The following TANGO6 variants were observed in gnomAD, a reference collection of about 807,000 sequenced individuals.
TANGO6 encodes transport and Golgi organization protein 6 homolog.
A neutral mutation model predicts 114.2 loss-of-function variants in TANGO6; 90 were observed. That is an observed-to-expected ratio of 0.79 (90% CI 0.66 to 0.94). The LOEUF (loss-of-function observed/expected upper bound fraction) is 0.94. Ranked by LOEUF, TANGO6 falls within the 40% of genes least tolerant of loss-of-function variation. TANGO6 has a pLI of 0.00. For missense variants in TANGO6, 1,274 were observed against 1,315.3 expected (o/e 0.97, Z 0.49); for synonymous variants, 477 against 509.8 (o/e 0.94, Z 0.87).
chr16:68,907,440 C>T lies in TANGO6; in HGVS notation c.1668-3C>T, dbSNP rs770673350. On this transcript the variant is annotated splice_region_variant and splice_polypyrimidine_tract_variant and intron_variant, in intron 9 of 17. Transcript: ENST00000261778. ...CCAAGATAAATTTTACCCTGCATTG[C>T]AGTGATGAAGATGAAGATGAAGCCC... 2.5e-6 allele frequency: 4 copies of T among 1,591,174 alleles called. No homozygotes were observed. Among genetic ancestry groups the T allele is most frequent in the Non-Finnish European group, 1.7e-6 (2 of 1,172,764 alleles).
chr16:69,076,088 CTTTT>C (rs34844519), intron 17 of TANGO6, among the ~76,000 whole-genome samples: 5 of 85,684 alleles, frequency 5.8e-5, no homozygotes, highest in East Asian at 3.6e-4. Flanking sequence ...TATTTCATTT[CTTTT>C]TTTTTTTTTT....
chr16:69,007,402 TG>T (rs1567557501), intron 15 of TANGO6, among the ~76,000 whole-genome samples: 1 of 151,778 alleles, frequency 6.6e-6, no homozygotes, highest in Admixed American at 6.6e-5. Flanking sequence ...CCCCAATAGC[TG>T]GGACTACAGG....
At chr16:68,951,517 C>T (rs17716146) in intron 14 of TANGO6, among the ~76,000 whole-genome samples, 43,500 of 151,824 alleles carry the variant, frequency 0.29, 6,991 homozygotes, top group East Asian at 0.42. Flanking sequence ...AGGCTGGATT[C>T]AACTCCAAAG....
intron 15 of TANGO6, among the ~76,000 whole-genome samples, chr16:69,015,737 C>A (rs1435132070): frequency 6.6e-6 from 1 of 152,020 alleles, no homozygotes; most frequent in East Asian, 1.9e-4. Flanking sequence ...CCCTCTGCTT[C>A]CCAAAGTGCT....
At chr16:69,002,818 G>C (rs1964055842) in intron 15 of TANGO6, among the ~76,000 whole-genome samples, 1 of 152,032 alleles carries the variant, frequency 6.6e-6, no homozygotes, top group African/African-American at 2.4e-5. Flanking sequence ...GAGGCGGGCA[G>C]ATCACCTGAG....
rs908212573 is a variant in TANGO6 at position 68,931,464 on chromosome 16, A to G, written c.2701+1169A>G. 3.9e-5 allele frequency among the ~76,000 whole-genome samples: 6 copies of G among 152,264 alleles called. No homozygotes were observed. In the East Asian group the frequency reaches 1.2e-3, roughly 29 times the overall value. On this transcript the variant is annotated intron_variant, in intron 14 of 17. Transcript: ENST00000261778. ...AACCTTGTGTGTGAATGTTCACAGCAGTATTATTCACAATAACCAAGAGGT... is the reference window on the plus strand; with the variant it reads ...AACCTTGTGTGTGAATGTTCACAGCGGTATTATTCACAATAACCAAGAGGT...
chr16:69,038,165 A>G (rs1959719945), intron 16 of TANGO6, among the ~76,000 whole-genome samples: 1 of 152,236 alleles, frequency 6.6e-6, no homozygotes. Flanking sequence ...GCGGTGGCTC[A>G]TGTCTGTAAT....
chr16:69,015,304 C>T (rs1050988774), intron 15 of TANGO6, among the ~76,000 whole-genome samples: 3 of 152,018 alleles, frequency 2.0e-5, no homozygotes, highest in Non-Finnish European at 4.4e-5. Context: ...CCAGTTCTTC[C>T]AGTCCAACAC....
At chr16:68,926,589 G>A (rs144030945) in intron 12 of TANGO6, among the ~76,000 whole-genome samples, 12,679 of 151,332 alleles carry the variant, frequency 0.084, 592 homozygotes, top group African/African-American at 0.13. Context: ...GGGCAGTGGC[G>A]TGATCTCAGC....
At chr16:69,046,951 TG>T (rs1198209830) in intron 17 of TANGO6, among the ~76,000 whole-genome samples, 1 of 151,778 alleles carries the variant, frequency 6.6e-6, no homozygotes, top group Admixed American at 6.6e-5. Flanking sequence ...GAGGCTGAGA[TG>T]GGTGGATCAC....
At chr16:68,856,251 C>T (rs1029792536) in intron 1 of TANGO6, among the ~76,000 whole-genome samples, 3 of 152,200 alleles carry the variant, frequency 2.0e-5, no homozygotes, top group African/African-American at 7.2e-5. Flanking sequence ...CGTGGATACC[C>T]TTTATCAGAT....
chr16:69,012,556 C>CAA (rs1175561720), intron 15 of TANGO6, among the ~76,000 whole-genome samples: 116 of 35,652 alleles, frequency 3.3e-3, no homozygotes, highest in Non-Finnish European at 3.8e-3. Context: ...AACTCTGTCT[C>CAA]AAAAAAAAAA....
chr16:69,012,295 G>A lies in TANGO6; in HGVS notation c.2843-10533G>A, dbSNP rs142138100. Among the ~76,000 whole-genome samples the A allele has an allele frequency of 9.5e-3, 1,442 of 152,192 alleles. 22 individuals are homozygous for A. The highest frequency in any genetic ancestry group is 0.033 in the African/African-American group (1,365 of 41,546). On this transcript the variant is annotated intron_variant, in intron 15 of 17. Coordinates refer to ENST00000261778, the MANE Select transcript of TANGO6 (RefSeq NM_024562.2). The stretch of plus-strand genomic sequence containing the variant: ...GAGGAGGTTGGGCACGGTGGCTCAC[G>A]CCTGTAATCCCAGCATTTTGGGAGG...
rs753482192 is a variant in TANGO6, at chr16:68,843,735, G to T, written c.94+24G>T. On this transcript the variant is annotated intron_variant, in intron 1 of 17. Coordinates refer to ENST00000261778, the MANE Select transcript of TANGO6 (RefSeq NM_024562.2). ...AGGTGAGAGGACGCATCTCCGCGCC[G>T]GGCTGGACCCGGGACTCTCAGGGCC... The T allele has an allele frequency of 2.5e-6, 4 of 1,611,740 alleles. No individual in the cohort carries two copies. In the African/African-American group the frequency reaches 4.0e-5, roughly 16 times the overall value.
At chr16:68,882,501 A>C (rs1962478432) in intron 7 of TANGO6, among the ~76,000 whole-genome samples, 1 of 151,806 alleles carries the variant, frequency 6.6e-6, no homozygotes, top group Non-Finnish European at 1.5e-5. Flanking sequence ...CGTCTCAAAA[A>C]AAAAAAAAGA....
intron 7 of TANGO6, among the ~76,000 whole-genome samples, chr16:68,899,955 G>C (rs577624852): frequency 6.6e-6 from 1 of 152,280 alleles, no homozygotes; most frequent in East Asian, 1.9e-4. Flanking sequence ...ACATGTCCAT[G>C]TGGTGGTCAC....
At chr16:68,927,419 T>C (rs1166345003) in intron 12 of TANGO6, 149 bp from the exon 13 acceptor site, 1 of 729,478 alleles carries the variant, frequency 1.4e-6, no homozygotes, top group Non-Finnish European at 2.2e-6. Context: ...CAAATGGTAT[T>C]CAGTGCTGGA....
intron 4 of TANGO6, among the ~76,000 whole-genome samples, chr16:68,868,908 A>C (rs1962223034): frequency 6.6e-6 from 1 of 152,200 alleles, no homozygotes; most frequent in East Asian, 1.9e-4. Flanking sequence ...TAACACTGCC[A>C]TCATTCCCCC....
At chr16:68,919,867 C>T (rs1219806944) in intron 12 of TANGO6, among the ~76,000 whole-genome samples, 1 of 151,810 alleles carries the variant, frequency 6.6e-6, no homozygotes, top group African/African-American at 2.4e-5. Flanking sequence ...CATGGTGAAA[C>T]CCCGTCTCTA....
Sources: gnomAD v4.1 joint callset for allele counts (sites outside exome capture counted in the v4.1 genomes callset) on GRCh38, gnomAD v4.1.1 for gene constraint, MANE v1.5 for transcripts, NCBI Gene and HGNC (gene_info 2026-07-23, HGNC 2026-07-21) for gene names.